The following ATXN1 variants were observed in gnomAD, a reference collection of about 807,000 sequenced individuals.
The protein encoded by ATXN1 is ataxin-1.
Under a neutral mutation model 56.4 loss-of-function variants are expected in ATXN1, and 8 were observed. The ratio of observed to expected loss-of-function variants is 0.14; its 90% CI spans 0.08 to 0.26. The LOEUF (loss-of-function observed/expected upper bound fraction) is 0.26, where lower values mean the gene tolerates loss of function less well. Ranked by LOEUF, ATXN1 falls within the 10% of genes least tolerant of loss-of-function variation. The pLI is 1.00. For missense variants in ATXN1, 987 were observed against 1,106.5 expected, an observed-to-expected ratio of 0.89 and a Z score of 1.53; for synonymous variants, 514 against 494.6, an observed-to-expected ratio of 1.04 and a Z score of -0.52.
rs1286603929 is a variant in ATXN1 at position 16,692,034 on chromosome 6, C to T, written c.-614-34133G>A. On this transcript the variant is annotated intron_variant, in intron 2 of 7. Coordinates refer to ENST00000436367, the MANE Select transcript of ATXN1 (RefSeq NM_001128164.2). ...ATCCCAGCACTTTGGGAGGCCGAGG[C>T]GGGCAGATCACCTGACATCAGGAGT... is the stretch of plus-strand genomic sequence containing the variant. Among the ~76,000 whole-genome samples, 8 of 152,264 alleles carry T rather than the reference C, an allele frequency of 5.3e-5. 2 individuals are homozygous for T. Among genetic ancestry groups the T allele is most frequent in the Admixed American group, 5.2e-4 (8 of 15,294 alleles).
chr6:16,641,404 G>A (rs1763703448), intron 3 of ATXN1, among the ~76,000 whole-genome samples: 1 of 152,200 alleles, frequency 6.6e-6, no homozygotes, highest in Non-Finnish European at 1.5e-5. Context: ...TTTAGTTGAA[G>A]CCAATGCTCA....
At chr6:16,378,353 T>A (rs1320147776) in intron 6 of ATXN1, among the ~76,000 whole-genome samples, 1 of 152,038 alleles carries the variant, frequency 6.6e-6, no homozygotes, top group African/African-American at 2.4e-5. Flanking sequence ...ACCCTTAATA[T>A]CCCCAGTAAT....
At chr6:16,520,207 A>G (rs1469346578) in intron 5 of ATXN1, among the ~76,000 whole-genome samples, 2 of 152,170 alleles carry the variant, frequency 1.3e-5, no homozygotes, top group African/African-American at 4.8e-5. Flanking sequence ...ACCCAGCCCC[A>G]TTGCATACCA....
At chr6:16,451,503 C>A (rs1193389175) in intron 6 of ATXN1, among the ~76,000 whole-genome samples, 2 of 151,930 alleles carry the variant, frequency 1.3e-5, no homozygotes, top group African/African-American at 2.4e-5. Flanking sequence ...TGCCTGTAAT[C>A]CCAGCACTTT....
chr6:16,650,745 C>T (rs1018150597), intron 3 of ATXN1, among the ~76,000 whole-genome samples: 6 of 152,158 alleles, frequency 3.9e-5, no homozygotes, highest in Non-Finnish European at 8.8e-5. Context: ...ATCGTTCAAA[C>T]CCTGTTCAAA....
intron 3 of ATXN1, among the ~76,000 whole-genome samples, chr6:16,655,638 C>T (rs760018478): frequency 5.3e-5 from 8 of 151,932 alleles, no homozygotes; most frequent in Non-Finnish European, 1.0e-4. Context: ...GCACAAGCTA[C>T]GATTGCACCA....
intron 5 of ATXN1, among the ~76,000 whole-genome samples, chr6:16,497,076 C>A (rs543963855): frequency 6.6e-6 from 1 of 152,056 alleles, no homozygotes; most frequent in African/African-American, 2.4e-5. Context: ...AAATAAGAGG[C>A]CTTTTACAAA....
At chr6:16,720,413 C>T (rs961490088) in intron 2 of ATXN1, among the ~76,000 whole-genome samples, 1 of 152,160 alleles carries the variant, frequency 6.6e-6, no homozygotes, top group African/African-American at 2.4e-5. Context: ...CTTGTTTGTT[C>T]TCTGTTACGT....
chr6:16,402,199 C>T (rs1758587757), intron 6 of ATXN1, among the ~76,000 whole-genome samples: 2 of 139,818 alleles, frequency 1.4e-5, no homozygotes, highest in Non-Finnish European at 3.0e-5. Context: ...ATCAGTTGAT[C>T]TATATGGCTG....
intron 6 of ATXN1, among the ~76,000 whole-genome samples, chr6:16,392,343 C>A (rs1197015159): frequency 3.3e-5 from 5 of 152,194 alleles, no homozygotes; most frequent in Non-Finnish European, 1.5e-5. Context: ...ATCTTTTAGA[C>A]CTGACCTTAG....
chr6:16,536,378 A>G (rs1391706962), intron 4 of ATXN1, among the ~76,000 whole-genome samples: 4 of 152,238 alleles, frequency 2.6e-5, no homozygotes, highest in African/African-American at 4.8e-5. Context: ...AGATGGCTTG[A>G]TACCTGACAA....
intron 4 of ATXN1, among the ~76,000 whole-genome samples, chr6:16,524,616 G>C (rs1470750132): frequency 6.6e-6 from 1 of 152,162 alleles, no homozygotes; most frequent in Non-Finnish European, 1.5e-5. Context: ...TTCATAGAAT[G>C]TTTCTAGTTT....
intron 6 of ATXN1, among the ~76,000 whole-genome samples, chr6:16,381,254 C>T (rs962108306): frequency 3.9e-5 from 6 of 152,020 alleles, no homozygotes; most frequent in African/African-American, 1.4e-4. Context: ...CCACTGCACC[C>T]CAGCCTGGGT....
intron 2 of ATXN1, among the ~76,000 whole-genome samples, chr6:16,693,610 G>C (rs1192092904): frequency 1.3e-5 from 2 of 152,064 alleles, no homozygotes; most frequent in African/African-American, 4.8e-5. Context: ...CCCAGGACTT[G>C]ATCAAACAGA....
intron 2 of ATXN1, among the ~76,000 whole-genome samples, chr6:16,751,326 T>C (rs1760712007): frequency 6.6e-6 from 1 of 152,194 alleles, no homozygotes; most frequent in Non-Finnish European, 1.5e-5. Flanking sequence ...TACCTTTGCA[T>C]GTAACTTTAG....
chr6:16,491,258 A>AATTATTATT (rs71535082), intron 5 of ATXN1, among the ~76,000 whole-genome samples: 49 of 107,408 alleles, frequency 4.6e-4, no homozygotes, highest in African/African-American at 5.5e-4. Context: ...ACACCTGGCT[A>AATTATTATT]ATTATTATTA....
At chr6:16,636,061 A>C (rs1279198444) in intron 3 of ATXN1, among the ~76,000 whole-genome samples, 3 of 152,198 alleles carry the variant, frequency 2.0e-5, no homozygotes, top group African/African-American at 7.2e-5. Flanking sequence ...CACCACGGGC[A>C]CTTCCAACCT....
intron 4 of ATXN1, among the ~76,000 whole-genome samples, chr6:16,548,976 C>T (rs1272877687): frequency 1.3e-5 from 2 of 152,004 alleles, no homozygotes; most frequent in African/African-American, 2.4e-5. Context: ...GAAACAAACA[C>T]GCATTAGTCT....
At chr6:16,505,918 G>A (rs1218986643) in intron 5 of ATXN1, among the ~76,000 whole-genome samples, 2 of 152,118 alleles carry the variant, frequency 1.3e-5, no homozygotes, top group Non-Finnish European at 2.9e-5. Flanking sequence ...TATACCCAAC[G>A]AATGGCGAAT....
Sources: allele counts gnomAD v4.1 joint callset (sites outside exome capture counted in the v4.1 genomes callset), GRCh38; gene constraint gnomAD v4.1.1; transcripts MANE v1.5; gene names NCBI Gene and HGNC (gene_info 2026-07-23, HGNC 2026-07-21).